Variants in NCOR1 observed in about 807,000 individuals in gnomAD.
NCOR1 encodes protein phosphatase 1, regulatory subunit 109.
Under a neutral mutation model 288.1 loss-of-function variants are expected in NCOR1, and 63 were observed. The ratio of observed to expected loss-of-function variants is 0.22; its 90% CI spans 0.18 to 0.27. The LOEUF (loss-of-function observed/expected upper bound fraction) is 0.27, where lower values mean the gene tolerates loss of function less well. Ranked by LOEUF, NCOR1 falls within the 10% of genes least tolerant of loss-of-function variation. The pLI is 1.00. For synonymous variants in NCOR1, 1,007 were observed against 1,065.9 expected, an observed-to-expected ratio of 0.94 and a Z score of 1.08; for missense variants, 2,397 against 3,019.2, an observed-to-expected ratio of 0.79 and a Z score of 4.83.
At chr17:16,166,574 G>A (rs1424890490) in intron 4 of NCOR1, among the ~76,000 whole-genome samples, 1 of 152,122 alleles carries the variant, frequency 6.6e-6, no homozygotes, top group Non-Finnish European at 1.5e-5. Flanking sequence ...CAGTTACTCG[G>A]GAGGCTGAGG....
intron 40 of NCOR1, among the ~76,000 whole-genome samples, chr17:16,056,543 T>C (rs537370836): frequency 6.6e-6 from 1 of 152,188 alleles, no homozygotes; most frequent in Non-Finnish European, 1.5e-5. Flanking sequence ...CTTGAGCTCC[T>C]GACTTCAGAT....
At chr17:16,190,542 C>T (rs926317721) in intron 2 of NCOR1, among the ~76,000 whole-genome samples, 82 of 151,432 alleles carry the variant, frequency 5.4e-4, no homozygotes, top group Admixed American at 3.0e-3. Flanking sequence ...GGAGTTTCAC[C>T]GTGTTAGCCA....
At chr17:16,049,162 C>CA (rs1293241306) in intron 40 of NCOR1, 174 bp from the exon 41 acceptor site, 3 of 486,160 alleles carry the variant, frequency 6.2e-6, no homozygotes, top group Admixed American at 8.2e-5. Flanking sequence ...AACAAACAAA[C>CA]AACAACAAAA....
At chr17:16,088,686 A>C (rs2064649822) in intron 22 of NCOR1, among the ~76,000 whole-genome samples, 1 of 152,194 alleles carries the variant, frequency 6.6e-6, no homozygotes, top group African/African-American at 2.4e-5. Flanking sequence ...TACAATATCT[A>C]TTTAGCCCTC....
chr17:16,139,043 A>T lies in NCOR1; in HGVS notation c.1317T>A (p.Val439=). 1 of 1,600,162 alleles carries T rather than the reference A, an allele frequency of 6.2e-7. No homozygotes were observed. Among genetic ancestry groups the T allele is most frequent in the Non-Finnish European group, 8.5e-7 (1 of 1,171,526 alleles). The change falls in exon 12 of 46, where the codon GTT becomes GTA. Residue 439 remains valine, a synonymous_variant. Transcript: ENST00000268712. ...KVYKDRQFMN[V]WTDHEKEIFK... is the part of the protein sequence containing the mutation. ...AGATCTCCTTTTCATGGTCAGTCCA[A>T]ACATTCATAAACTGCCTATCTTTAT...
In NCOR1 at chr17:16,032,442, G is replaced by T; in HGVS notation, c.7177C>A (p.Leu2393Ile). 6.2e-7 allele frequency: 1 copy of T among 1,612,388 alleles called. No individual in the cohort carries two copies. Among genetic ancestry groups the T allele is most frequent in the East Asian group, 2.2e-5 (1 of 44,832 alleles). ...FPYNPLTMRM[L>I]SSTPPTPIAC... is the part of the protein sequence containing the mutation. Reference sequence around the variant, plus strand: ...ATCGGTGTTGGTGGAGTACTGCTGAGCATCCGCATAGTCAGAGGGTTATAA... The same window carrying T: ...ATCGGTGTTGGTGGAGTACTGCTGATCATCCGCATAGTCAGAGGGTTATAA... The change falls in exon 46 of 46, where the codon CTC becomes ATC. Residue 2393 changes from leucine to isoleucine, a missense_variant. Transcript: ENST00000268712.
intron 26 of NCOR1, among the ~76,000 whole-genome samples, chr17:16,075,904 A>G (rs988064270): frequency 6.6e-6 from 1 of 152,238 alleles, no homozygotes; most frequent in Non-Finnish European, 1.5e-5. Flanking sequence ...ACTCAGCCAC[A>G]TAACACTTAA....
intron 2 of NCOR1, among the ~76,000 whole-genome samples, chr17:16,190,365 C>T (rs1019036945): frequency 4.0e-5 from 6 of 151,780 alleles, no homozygotes; most frequent in East Asian, 3.8e-4. Flanking sequence ...TGAGGAGTCT[C>T]GCTCTGTTGC....
chr17:16,186,711 CAAT>C (rs776846346), intron 2 of NCOR1, 24 bp from the exon 3 acceptor site: 10 of 1,602,230 alleles, frequency 6.2e-6, no homozygotes, highest in Admixed American at 1.7e-5. Context: ...AATCATAAAT[CAAT>C]TATTAACCAA....
chr17:16,070,944 G>A (rs557317047), intron 30 of NCOR1, among the ~76,000 whole-genome samples: 11 of 152,120 alleles, frequency 7.2e-5, no homozygotes, highest in South Asian at 2.1e-4. Context: ...CAGGAGAATC[G>A]CTTGAACCCA....
chr17:16,101,678 C>G lies in NCOR1; in HGVS notation c.2262G>C (p.Glu754Asp), dbSNP rs755777616. ...TACTGGGTGCAGTTTCCGTGGTGGG[C>G]TCAAGCTCAACCGCAGGTTCTGTGT... ...RGNTEPAVEL[E>D]PTTETAPSTS... is the part of the protein sequence containing the mutation. Residue 754 changes from glutamate to aspartate, a missense_variant, in exon 20 of 46, where the codon GAG becomes GAC. Around this residue, in one of 11 missense-constraint regions of NCOR1, gnomAD observed 1,872 missense variants for 2,187.8 expected, o/e 0.86. Coordinates refer to ENST00000268712, the MANE Select transcript of NCOR1 (RefSeq NM_006311.4). 1 of 1,614,198 alleles carries G rather than the reference C, an allele frequency of 6.2e-7. No homozygotes were observed. Among genetic ancestry groups the G allele is most frequent in the Admixed American group, 1.7e-5 (1 of 60,030 alleles).
At chr17:16,125,592 C>T (rs533223370) in intron 15 of NCOR1, among the ~76,000 whole-genome samples, 2 of 150,052 alleles carry the variant, frequency 1.3e-5, no homozygotes, top group East Asian at 4.0e-4. Context: ...GGCCCAGCTA[C>T]TCGGGAGGCT....
intron 44 of NCOR1, among the ~76,000 whole-genome samples, chr17:16,038,406 CTG>C (rs2151950580): frequency 6.6e-6 from 1 of 151,316 alleles, no homozygotes; most frequent in South Asian, 2.1e-4. Context: ...ATCTGAAGAA[CTG>C]TTTCTTTTTC....
rs148828894 is a variant in NCOR1 at position 16,102,883 on chromosome 17, C to T, written c.2183-1126G>A. ...TGCTGGGATTACAGACATAGGCCACCGCACCCAGCCTGCATATCTAAATTT... is the reference window on the plus strand; with the variant it reads ...TGCTGGGATTACAGACATAGGCCACTGCACCCAGCCTGCATATCTAAATTT... On this transcript the variant is annotated intron_variant, in intron 19 of 45. Transcript: ENST00000268712. 9.7e-3 allele frequency among the ~76,000 whole-genome samples: 1,481 copies of T among 152,246 alleles called. 23 individuals carry two copies. The highest frequency in any genetic ancestry group is 0.034 in the African/African-American group (1,396 of 41,558).
At chr17:16,138,107 G>GT in intron 13 of NCOR1, 51 bp downstream of exon 13, 1 of 1,480,980 alleles carries the variant, frequency 6.8e-7, no homozygotes, top group Non-Finnish European at 9.3e-7. Context: ...GAATTTCAAA[G>GT]TAACAACCAT....
At chr17:16,080,177 C>T in intron 25 of NCOR1, 113 bp from the exon 26 acceptor site, 2 of 886,414 alleles carry the variant, frequency 2.3e-6, no homozygotes, top group Non-Finnish European at 3.5e-6. Context: ...AAAAAAGCAG[C>T]ACAAAACCCA....
chr17:16,076,935 C>A (rs2062548764), intron 26 of NCOR1, among the ~76,000 whole-genome samples: 1 of 152,156 alleles, frequency 6.6e-6, no homozygotes, highest in South Asian at 2.1e-4. Flanking sequence ...CAGAAATAGC[C>A]CAATTCTCCA....
chr17:16,131,058 G>A (rs1279373349), intron 14 of NCOR1, among the ~76,000 whole-genome samples: 2 of 149,264 alleles, frequency 1.3e-5, no homozygotes, highest in African/African-American at 2.5e-5. Flanking sequence ...GCGTGATCAC[G>A]GATCACTACA....
chr17:16,205,049 C>G (rs1403232268), intron 1 of NCOR1, among the ~76,000 whole-genome samples: 2 of 152,004 alleles, frequency 1.3e-5, no homozygotes, highest in African/African-American at 4.8e-5. Context: ...GGAGAAACCC[C>G]ATCTGTAGTA....
Sources: allele counts gnomAD v4.1 joint callset (sites outside exome capture counted in the v4.1 genomes callset), GRCh38; gene constraint gnomAD v4.1.1; regional missense constraint gnomAD v4.1.1; transcripts MANE v1.5; gene names NCBI Gene and HGNC (gene_info 2026-07-23, HGNC 2026-07-21).